The following MATN2 variants were observed in gnomAD, a reference collection of about 807,000 sequenced individuals.
The protein encoded by MATN2 is matrilin-2.
Under a neutral mutation model 103.2 loss-of-function variants are expected in MATN2, and 69 were observed. That is an observed-to-expected ratio of 0.67 (90% confidence interval 0.55 to 0.82). The LOEUF (loss-of-function observed/expected upper bound fraction) is 0.82, where lower values mean the gene tolerates loss of function less well. Among genes scored for constraint, MATN2 ranks in the 40% least tolerant of loss-of-function variants. The probability of loss-of-function intolerance (pLI) is 0.00; values close to 1 mark genes in which losing one functional copy is unlikely to be tolerated. For missense variants in MATN2, 1,023 were observed against 1,211.5 expected (o/e 0.84, Z 2.31); for synonymous variants, 429 against 450.2 (o/e 0.95, Z 0.60).
At chr8:97,948,960 T>C (rs551730806) in intron 4 of MATN2, among the ~76,000 whole-genome samples, 1 of 152,312 alleles carries the variant, frequency 6.6e-6, no homozygotes, top group Admixed American at 6.5e-5. Flanking sequence ...GCAAAACATA[T>C]GTCCAACAAA....
intron 1 of MATN2, among the ~76,000 whole-genome samples, chr8:97,883,002 A>G (rs1437125913): frequency 2.6e-5 from 4 of 152,084 alleles, no homozygotes; most frequent in Non-Finnish European, 5.9e-5. Context: ...TAATTGAGTG[A>G]TAAGAGTTTA....
intron 11 of MATN2, 21 bp downstream of exon 11, chr8:98,016,683 G>A (rs1372910450): frequency 6.2e-7 from 1 of 1,606,166 alleles, no homozygotes; most frequent in South Asian, 1.1e-5. Flanking sequence ...ACTGGAGCTG[G>A]CTCCTACTAC....
At chr8:97,980,413 C>T (rs574435391) in intron 6 of MATN2, among the ~76,000 whole-genome samples, 2 of 152,206 alleles carry the variant, frequency 1.3e-5, no homozygotes, top group East Asian at 3.9e-4. Context: ...AAGAGGAGGC[C>T]GTGGGCTGCC....
chr8:97,872,547 G>C (rs1817930181), intron 1 of MATN2, among the ~76,000 whole-genome samples: 1 of 152,170 alleles, frequency 6.6e-6, no homozygotes, highest in Non-Finnish European at 1.5e-5. Flanking sequence ...CTAAAATCAA[G>C]GTGTCAGCAG....
chr8:98,004,286 CA>C (rs60031012), intron 8 of MATN2: 80,718 of 138,298 alleles, frequency 0.58, 22,911 homozygotes, highest in Middle Eastern at 0.67. Flanking sequence ...AACTTCATCT[CA>C]AAAAAAAAAA....
chr8:97,949,202 C>T (rs1056851467), intron 4 of MATN2, among the ~76,000 whole-genome samples: 8 of 138,384 alleles, frequency 5.8e-5, no homozygotes, highest in African/African-American at 2.2e-4. Context: ...CAGAGTCTTG[C>T]TCTGTCGCCC....
intron 2 of MATN2, among the ~76,000 whole-genome samples, chr8:97,924,876 CA>C (rs1229764370): frequency 2.0e-5 from 3 of 152,036 alleles, no homozygotes; most frequent in Non-Finnish European, 4.4e-5. Context: ...TCTAAAAGGA[CA>C]AAATCATTTC....
chr8:97,916,915 G>A (rs1809650091), intron 2 of MATN2, among the ~76,000 whole-genome samples: 1 of 152,168 alleles, frequency 6.6e-6, no homozygotes, highest in African/African-American at 2.4e-5. Flanking sequence ...GAGGAGACTG[G>A]TGTGATGTGG....
At chr8:97,979,606 C>A (rs1244840289) in intron 6 of MATN2, among the ~76,000 whole-genome samples, 2 of 152,022 alleles carry the variant, frequency 1.3e-5, no homozygotes, top group African/African-American at 2.4e-5. Context: ...TAACTAGTTA[C>A]AAAAAGATTC....
intron 2 of MATN2, among the ~76,000 whole-genome samples, chr8:97,925,514 T>C (rs1809962022): frequency 6.6e-6 from 1 of 152,168 alleles, no homozygotes; most frequent in South Asian, 2.1e-4. Context: ...TCCTACTTTC[T>C]AAGGTGTGTG....
rs182680213 is a variant in MATN2 at position 97,977,467 on chromosome 8, C to T, written c.959-1419C>T. ...TTCGTAGGTACCAGGGTTTAGGACTCCAACATGTCTTTTTAGGGGACATAA... is the reference window on the plus strand; with the variant it reads ...TTCGTAGGTACCAGGGTTTAGGACTTCAACATGTCTTTTTAGGGGACATAA... On this transcript the variant is annotated intron_variant, in intron 5 of 18. Coordinates refer to ENST00000254898, the MANE Select transcript of MATN2 (RefSeq NM_002380.5). Among the ~76,000 whole-genome samples the T allele has an allele frequency of 2.2e-4, 34 of 152,172 alleles. No individual in the cohort carries two copies. In the East Asian group the frequency reaches 4.4e-3, roughly 20 times the overall value.
intron 2 of MATN2, among the ~76,000 whole-genome samples, chr8:97,913,911 A>G (rs1300612992): frequency 6.6e-6 from 1 of 152,214 alleles, no homozygotes; most frequent in South Asian, 2.1e-4. Flanking sequence ...CACCTTGCTC[A>G]GCCTGATATT....
At position 98,007,055 on chromosome 8, in the gene MATN2, G is replaced by C; in HGVS notation, c.1328-50G>C. ...TGTTTTTGAATCTTGGTTGCTGGTG[G>C]GGTATTGCCCCCTCGGCTCCTCTAT... On this transcript the variant is annotated intron_variant, in intron 8 of 18. Coordinates refer to ENST00000254898, the MANE Select transcript of MATN2 (RefSeq NM_002380.5). The surrounding 1 kb of genome is among the most constrained non-coding windows in gnomAD (Gnocchi z 4.2). 1 of 1,545,694 alleles carries C rather than the reference G, an allele frequency of 6.5e-7. No homozygotes were observed. The highest frequency in any genetic ancestry group is 8.8e-7 in the Non-Finnish European group (1 of 1,139,616).
At chr8:97,975,650 T>C (rs1002235385) in intron 5 of MATN2, among the ~76,000 whole-genome samples, 5 of 152,180 alleles carry the variant, frequency 3.3e-5, no homozygotes, top group African/African-American at 1.2e-4. Context: ...TACTAAGAAG[T>C]GGGTGGCCAT....
intron 3 of MATN2, among the ~76,000 whole-genome samples, chr8:97,936,686 G>A (rs1332165128): frequency 6.6e-6 from 1 of 152,208 alleles, no homozygotes; most frequent in East Asian, 1.9e-4. Flanking sequence ...GGCCTTGGCT[G>A]AGTGTAAACC....
At chr8:97,911,184 G>T (rs1809418029) in intron 2 of MATN2, among the ~76,000 whole-genome samples, 1 of 151,258 alleles carries the variant, frequency 6.6e-6, no homozygotes, top group Non-Finnish European at 1.5e-5. Flanking sequence ...GTAGAGACGG[G>T]GTCTCACCAT....
rs549320621 is a variant in MATN2 at position 98,027,130 on chromosome 8, G to A, written c.1943-286G>A. On this transcript the variant is annotated intron_variant, in intron 13 of 18. Transcript: ENST00000254898. ...CCCAGCTCCTCCCAGACCTGTCAGT[G>A]TTCCAGGGTACAATGTAGACTTGGT... Among the ~76,000 whole-genome samples, 320 of 152,214 alleles carry A rather than the reference G, an allele frequency of 2.1e-3. 1 individual carries two copies. Among genetic ancestry groups the A allele is most frequent in the Non-Finnish European group, 3.6e-3 (247 of 68,020 alleles).
At chr8:97,939,044 ATT>A (rs879384532) in intron 3 of MATN2, among the ~76,000 whole-genome samples, 2 of 143,010 alleles carry the variant, frequency 1.4e-5, no homozygotes, top group Non-Finnish European at 1.5e-5. Flanking sequence ...TACTTTTTGT[ATT>A]TTTTTTTTTT....
intron 3 of MATN2, among the ~76,000 whole-genome samples, chr8:97,933,017 C>A (rs1810248532): frequency 6.6e-6 from 1 of 152,122 alleles, no homozygotes; most frequent in African/African-American, 2.4e-5. Context: ...TAAGATATAG[C>A]CCCCAGCGAA....
Sources: gnomAD v4.1 joint callset for allele counts (sites outside exome capture counted in the v4.1 genomes callset) on GRCh38, gnomAD v4.1.1 for gene constraint, Gnocchi (gnomAD v3.1) non-coding constraint, MANE v1.5 for transcripts, NCBI Gene and HGNC (gene_info 2026-07-23, HGNC 2026-07-21) for gene names.